Variants in INPP4B observed in about 807,000 individuals in gnomAD.
The protein encoded by INPP4B is inositol polyphosphate-4-phosphatase type II B, also known as inositol polyphosphate 4-phosphatase type II.
INPP4B carries 55 observed loss-of-function variants against 122.5 expected under a neutral mutation model. The ratio of observed to expected loss-of-function variants is 0.45; its 90% CI spans 0.36 to 0.56. The LOEUF (loss-of-function observed/expected upper bound fraction) is 0.56. Among genes scored for constraint, INPP4B ranks in the 20% least tolerant of loss-of-function variants. The pLI is 0.00. For synonymous variants in INPP4B, 403 were observed against 388.7 expected, an observed-to-expected ratio of 1.04 and a Z score of -0.43; for missense variants, 1,000 against 1,097.7, an observed-to-expected ratio of 0.91 and a Z score of 1.26.
intron 21 of INPP4B, among the ~76,000 whole-genome samples, chr4:142,119,470 A>C (rs1457448170): frequency 6.6e-6 from 1 of 152,140 alleles, no homozygotes; most frequent in Non-Finnish European, 1.5e-5. Context: ...GCAGCCATAA[A>C]AAAAGATGAG....
At chr4:142,296,933 C>T (rs918367572) in intron 9 of INPP4B, among the ~76,000 whole-genome samples, 1 of 152,082 alleles carries the variant, frequency 6.6e-6, no homozygotes, top group African/African-American at 2.4e-5. Flanking sequence ...GATGTTCCTA[C>T]TTCTGTATTT....
chr4:142,145,758 T>G, intron 18 of INPP4B, 82 bp downstream of exon 18: 1 of 1,387,490 alleles, frequency 7.2e-7, no homozygotes, highest in Admixed American at 1.8e-5. Flanking sequence ...TATTGACTCC[T>G]CTTCTTCTAT....
At chr4:142,193,025 A>G (rs1424558399) in intron 15 of INPP4B, 62 bp downstream of exon 15, 6 of 981,804 alleles carry the variant, frequency 6.1e-6, no homozygotes, top group Admixed American at 5.2e-5. Flanking sequence ...CCTTGTATAT[A>G]GACTTCCCCA....
chr4:142,194,859 A>G (rs1837483371), intron 14 of INPP4B, among the ~76,000 whole-genome samples: 1 of 152,186 alleles, frequency 6.6e-6, no homozygotes, highest in African/African-American at 2.4e-5. Context: ...AATGTTATCT[A>G]CGATTATTAT....
At chr4:142,705,408 G>A (rs1230467126) in intron 2 of INPP4B, among the ~76,000 whole-genome samples, 1 of 150,866 alleles carries the variant, frequency 6.6e-6, no homozygotes, top group Non-Finnish European at 1.5e-5. Context: ...TAAAAATTCT[G>A]CATATCATCC....
chr4:142,449,074 T>A (rs549786189), intron 3 of INPP4B, among the ~76,000 whole-genome samples: 12 of 152,278 alleles, frequency 7.9e-5, no homozygotes, highest in African/African-American at 2.9e-4. Flanking sequence ...ATGGTTTTGC[T>A]AGCAATATTA....
intron 1 of INPP4B, among the ~76,000 whole-genome samples, chr4:142,783,285 C>G (rs568400033): frequency 3.0e-4 from 46 of 152,116 alleles, no homozygotes; most frequent in African/African-American, 1.1e-3. Context: ...GGCTAATATC[C>G]AGAATCTACA....
intron 2 of INPP4B, among the ~76,000 whole-genome samples, chr4:142,640,276 C>A (rs1350977623): frequency 6.6e-6 from 1 of 151,654 alleles, no homozygotes; most frequent in Non-Finnish European, 1.5e-5. Context: ...GGTAAGATGA[C>A]TTGCTCTATT....
At chr4:142,570,577 T>G (rs1170691130) in intron 2 of INPP4B, among the ~76,000 whole-genome samples, 4 of 152,092 alleles carry the variant, frequency 2.6e-5, no homozygotes, top group Non-Finnish European at 2.9e-5. Flanking sequence ...CTGAACTTGA[T>G]AAGAAATCTA....
chr4:142,345,574 C>T (rs1326861035), intron 7 of INPP4B, among the ~76,000 whole-genome samples: 1 of 151,962 alleles, frequency 6.6e-6, no homozygotes, highest in Non-Finnish European at 1.5e-5. Context: ...GACACAAGCA[C>T]ATACTTGGTG....
chr4:142,478,075 T>A (rs1820029193), intron 2 of INPP4B, among the ~76,000 whole-genome samples: 2 of 152,238 alleles, frequency 1.3e-5, no homozygotes, highest in African/African-American at 4.8e-5. Flanking sequence ...TATGCTGGGG[T>A]TATAGGCACC....
At chr4:142,237,461 C>A (rs1219918250) in intron 12 of INPP4B, among the ~76,000 whole-genome samples, 2 of 151,916 alleles carry the variant, frequency 1.3e-5, no homozygotes, top group African/African-American at 4.8e-5. Flanking sequence ...TTTTATATAA[C>A]CCCAATATAT....
intron 18 of INPP4B, among the ~76,000 whole-genome samples, chr4:142,127,399 GC>G: frequency 6.6e-6 from 1 of 151,944 alleles, no homozygotes; most frequent in African/African-American, 2.4e-5. Flanking sequence ...AAGGATAGTT[GC>G]TTTATTCACT....
At chr4:142,712,614 T>C (rs1763253619) in intron 2 of INPP4B, among the ~76,000 whole-genome samples, 1 of 152,242 alleles carries the variant, frequency 6.6e-6, no homozygotes, top group Non-Finnish European at 1.5e-5. Flanking sequence ...TAAATTATTG[T>C]CTCATGAATT....
At chr4:142,271,578 C>T (rs868841105) in intron 9 of INPP4B, among the ~76,000 whole-genome samples, 6 of 152,174 alleles carry the variant, frequency 3.9e-5, no homozygotes, top group Non-Finnish European at 7.4e-5. Flanking sequence ...TTTTTGTTTA[C>T]ATGCTACTAA....
At chr4:142,438,307 C>T (rs59093977) in intron 3 of INPP4B, among the ~76,000 whole-genome samples, 6,516 of 152,166 alleles carry the variant, frequency 0.043, 310 homozygotes, top group African/African-American at 0.11. Flanking sequence ...AACTATACTA[C>T]AAGGCTATAG....
intron 2 of INPP4B, among the ~76,000 whole-genome samples, chr4:142,617,362 AG>A (rs1451403231): frequency 6.6e-6 from 1 of 152,114 alleles, no homozygotes; most frequent in Non-Finnish European, 1.5e-5. Flanking sequence ...ACACATGCAT[AG>A]CTGATCTGCA....
chr4:142,315,154 T>C (rs1488733866), intron 7 of INPP4B, among the ~76,000 whole-genome samples: 1 of 152,246 alleles, frequency 6.6e-6, no homozygotes, highest in Non-Finnish European at 1.5e-5. Flanking sequence ...TTTGAAATTA[T>C]GGATATGCTA....
In INPP4B at chr4:142,666,657, ATG is replaced by A. The variant is rs371769449; in HGVS notation, c.-191+59180_-191+59181del. Among the ~76,000 whole-genome samples, 403 of 150,152 alleles carry A rather than the reference ATG, an allele frequency of 2.7e-3. 5 individuals carry two copies. Among genetic ancestry groups the A allele is most frequent in the Middle Eastern group, 7.0e-3 (2 of 286 alleles). On this transcript the variant is annotated intron_variant, in intron 2 of 25. Transcript: ENST00000262992. ...GCCTTCTCTGTGTGTGTGTGTGCAC[ATG>A]TGTGTGTGTGTGTGTACTTTTCTTG...
Sources: allele counts gnomAD v4.1 joint callset (sites outside exome capture counted in the v4.1 genomes callset), GRCh38; gene constraint gnomAD v4.1.1; transcripts MANE v1.5; gene names NCBI Gene and HGNC (gene_info 2026-07-23, HGNC 2026-07-21).